Variants in XKR6 observed in about 807,000 individuals in gnomAD.
XKR6 encodes the protein XK-related protein 6.
Under a neutral mutation model 56.7 loss-of-function variants are expected in XKR6, and 22 were observed. That is an observed-to-expected ratio of 0.39 (90% confidence interval 0.28 to 0.55). The LOEUF (loss-of-function observed/expected upper bound fraction) is 0.55. Ranked by LOEUF, XKR6 falls within the 20% of genes least tolerant of loss-of-function variation. The probability of loss-of-function intolerance (pLI) is 0.66; values close to 1 mark genes in which losing one functional copy is unlikely to be tolerated. For missense variants in XKR6, 852 were observed against 889.0 expected (o/e 0.96, Z 0.53); for synonymous variants, 524 against 387.8 (o/e 1.35, Z -4.13).
chr8:11,158,646 AAAACGTTT>A (rs1801642042), intron 1 of XKR6, among the ~76,000 whole-genome samples: 1 of 152,206 alleles, frequency 6.6e-6, no homozygotes, highest in Admixed American at 6.5e-5. Flanking sequence ...AAAACAAAAC[AAAACGTTT>A]AAACACAGGT....
chr8:11,130,438 C>T (rs1800048505), intron 1 of XKR6, among the ~76,000 whole-genome samples: 1 of 152,064 alleles, frequency 6.6e-6, no homozygotes, highest in Non-Finnish European at 1.5e-5. Context: ...CCATCAGGAT[C>T]AGGGGCGAGA....
chr8:11,039,372 C>T (rs1025069934), intron 1 of XKR6, among the ~76,000 whole-genome samples: 2 of 152,224 alleles, frequency 1.3e-5, no homozygotes, highest in African/African-American at 4.8e-5. Context: ...GAACAGAAGG[C>T]TCTGCAGCCT....
At chr8:10,951,240 G>C (rs1017146802) in intron 1 of XKR6, among the ~76,000 whole-genome samples, 13 of 150,206 alleles carry the variant, frequency 8.7e-5, no homozygotes, top group Non-Finnish European at 1.6e-4. Context: ...AACTCATGCT[G>C]GGGGGACAAG....
chr8:11,033,445 G>GA (rs1799056001), intron 1 of XKR6, among the ~76,000 whole-genome samples: 1 of 150,530 alleles, frequency 6.6e-6, no homozygotes, highest in African/African-American at 2.5e-5. Context: ...GATGATGGTC[G>GA]TAATGATGAT....
chr8:11,138,652 G>A (rs1180260472), intron 1 of XKR6: 1 of 152,054 alleles, frequency 6.6e-6, no homozygotes, highest in Admixed American at 6.6e-5. Context: ...GGTTGCATCA[G>A]TTTTTTTAAA....
At chr8:11,156,702 T>C (rs1323127326) in intron 1 of XKR6, among the ~76,000 whole-genome samples, 1 of 152,132 alleles carries the variant, frequency 6.6e-6, no homozygotes, top group African/African-American at 2.4e-5. Context: ...CAGTGGTAAA[T>C]CAAAATATCT....
intron 1 of XKR6, among the ~76,000 whole-genome samples, chr8:10,975,845 AC>A (rs1019501136): frequency 1.3e-5 from 2 of 151,820 alleles, no homozygotes; most frequent in Non-Finnish European, 2.9e-5. Context: ...TGGTCAATTC[AC>A]TCAATCTCCA....
intron 1 of XKR6, among the ~76,000 whole-genome samples, chr8:10,960,227 T>C (rs981969383): frequency 1.3e-5 from 2 of 151,226 alleles, no homozygotes; most frequent in Middle Eastern, 3.2e-3. Flanking sequence ...GTATAGCAGG[T>C]GGGTACAGGT....
chr8:11,098,354 A>T (rs561669545), intron 1 of XKR6, among the ~76,000 whole-genome samples: 4 of 152,174 alleles, frequency 2.6e-5, no homozygotes, highest in African/African-American at 9.6e-5. Flanking sequence ...CATTATTTCT[A>T]AGAGCTGGTA....
chr8:10,985,517 T>C (rs1289632638), intron 1 of XKR6, among the ~76,000 whole-genome samples: 1 of 151,834 alleles, frequency 6.6e-6, no homozygotes, highest in East Asian at 1.9e-4. Flanking sequence ...GACACTCTAC[T>C]GCCTCCCACA....
intron 1 of XKR6, among the ~76,000 whole-genome samples, chr8:11,116,513 G>A (rs1016612375): frequency 1.3e-5 from 2 of 152,142 alleles, no homozygotes; most frequent in African/African-American, 4.8e-5. Context: ...TGGGATTACA[G>A]GGGCCCATCG....
At chr8:11,027,681 C>A (rs1203930640) in intron 1 of XKR6, among the ~76,000 whole-genome samples, 1 of 152,236 alleles carries the variant, frequency 6.6e-6, no homozygotes, top group African/African-American at 2.4e-5. Flanking sequence ...GCCAAGACAA[C>A]CACGTCTACT....
At chr8:11,163,214 C>T (rs538214700) in intron 1 of XKR6, among the ~76,000 whole-genome samples, 1 of 152,264 alleles carries the variant, frequency 6.6e-6, no homozygotes, top group East Asian at 1.9e-4. Context: ...GAGGGCCAGT[C>T]GTAATAATCA....
chr8:11,081,063 T>C (rs1797705454), intron 1 of XKR6, among the ~76,000 whole-genome samples: 2 of 152,230 alleles, frequency 1.3e-5, no homozygotes, highest in South Asian at 2.1e-4. Flanking sequence ...GGTGAAACCA[T>C]TAACTTTAGG....
intron 1 of XKR6, among the ~76,000 whole-genome samples, chr8:10,958,688 G>C (rs994132307): frequency 1.3e-5 from 2 of 152,250 alleles, no homozygotes; most frequent in Admixed American, 6.5e-5. Flanking sequence ...CGCTGATGGA[G>C]GCAGTGGCCA....
At chr8:11,182,963 T>C (rs1803074936) in intron 1 of XKR6, among the ~76,000 whole-genome samples, 1 of 152,220 alleles carries the variant, frequency 6.6e-6, no homozygotes, top group Non-Finnish European at 1.5e-5. Flanking sequence ...TGGAATCACA[T>C]AGTGTTTGTC....
At chr8:10,911,843 G>T (rs1377346515) in intron 2 of XKR6, among the ~76,000 whole-genome samples, 1 of 150,400 alleles carries the variant, frequency 6.6e-6, no homozygotes, top group Non-Finnish European at 1.5e-5. Flanking sequence ...ATATAGAAAG[G>T]GAGGGTGTGT....
intron 1 of XKR6, among the ~76,000 whole-genome samples, chr8:10,991,148 C>T (rs1187890534): frequency 6.6e-6 from 1 of 152,132 alleles, no homozygotes; most frequent in African/African-American, 2.4e-5. Context: ...AGGTGATCCA[C>T]CTGTCTCAGC....
intron 1 of XKR6, among the ~76,000 whole-genome samples, chr8:11,122,712 T>A (rs932343178): frequency 2.6e-5 from 4 of 152,236 alleles, no homozygotes; most frequent in Non-Finnish European, 5.9e-5. Flanking sequence ...TCATGGTCTG[T>A]TTACCATTGG....
Sources: gnomAD v4.1 joint callset for allele counts (sites outside exome capture counted in the v4.1 genomes callset) on GRCh38, gnomAD v4.1.1 for gene constraint, MANE v1.5 for transcripts, NCBI Gene and HGNC (gene_info 2026-07-23, HGNC 2026-07-21) for gene names.